Variants in WIPF1 observed in about 807,000 individuals in gnomAD.
WIPF1 encodes WAS/WASL-interacting protein family member 1.
A neutral mutation model predicts 35.4 loss-of-function variants in WIPF1; 13 were observed. The ratio of observed to expected loss-of-function variants is 0.37; its 90% confidence interval spans 0.24 to 0.58. The LOEUF is 0.58. WIPF1 is among the 20% of genes least tolerant of loss of function. The pLI is 0.74. For missense variants in WIPF1, 591 were observed against 667.0 expected (o/e 0.89, Z 1.25); for synonymous variants, 267 against 266.3 (o/e 1.00, Z -0.02).
intron 6 of WIPF1, 70 bp from the exon 7 acceptor site, chr2:174,567,253 A>G: frequency 1.4e-6 from 2 of 1,397,690 alleles, no homozygotes; most frequent in Admixed American, 3.6e-5. Flanking sequence ...AACGAAAGGC[A>G]CAGAATGAAA....
At chr2:174,603,345 A>C (rs573093377) in intron 1 of WIPF1, among the ~76,000 whole-genome samples, 1 of 152,352 alleles carries the variant, frequency 6.6e-6, no homozygotes, top group East Asian at 1.9e-4. Context: ...CTCTTAAGTG[A>C]TAAAGGAATT....
rs1684504003 is a variant in WIPF1, at chr2:174,562,271, A to G, written c.*276T>C. 3 of 1,532,644 alleles carry G rather than the reference A, an allele frequency of 2.0e-6. No individual in the cohort carries two copies. Among genetic ancestry groups the G allele is most frequent in the Non-Finnish European group, 2.6e-6 (3 of 1,136,632 alleles). The allele number at this position is 1,532,644 out of a possible 1,614,324, so 94.9% of individuals were successfully genotyped here. On this transcript the variant is annotated 3_prime_UTR_variant, in exon 8 of 8. Transcript: ENST00000679041. Reference sequence around the variant, plus strand: ...TTGGTGGAAAGCTGGGATGCAAGTCATCTCTGCCTATTACGACAAAAGCCT... The same window carrying G: ...TTGGTGGAAAGCTGGGATGCAAGTCGTCTCTGCCTATTACGACAAAAGCCT...
chr2:174,603,954 A>C (rs1159404590), intron 1 of WIPF1, among the ~76,000 whole-genome samples: 5 of 152,218 alleles, frequency 3.3e-5, no homozygotes, highest in Non-Finnish European at 1.5e-5. Context: ...TACATTTTAA[A>C]GGAGGATTTA....
rs1225043045 is a variant in WIPF1, at chr2:174,567,259, TGAAAGAGA to T, written c.1343-84_1343-77del. 4.5e-6 allele frequency: 6 copies of T among 1,324,290 alleles called. No homozygotes were observed. In the Admixed American group the frequency reaches 1.1e-4, roughly 25 times the overall value. 82.0% of individuals were successfully genotyped at this position (1,324,290 alleles called of 1,614,324 possible). A position where few individuals can be genotyped will look rare whatever the true frequency, so the allele number is the denominator to read the frequency against. On this transcript the variant is annotated intron_variant, in intron 6 of 7. Transcript: ENST00000679041. The stretch of plus-strand genomic sequence containing the variant: ...GACTTACGTAACGAAAGGCACAGAA[TGAAAGAGA>T]GAGAGAACCACAGACATCAGTGCTA...
At chr2:174,614,038 C>A (rs1658480600) in intron 1 of WIPF1, among the ~76,000 whole-genome samples, 1 of 152,168 alleles carries the variant, frequency 6.6e-6, no homozygotes, top group South Asian at 2.1e-4. Flanking sequence ...TCACTAATAC[C>A]TCTGTATTTT....
chr2:174,606,522 A>C (rs1367552231), intron 1 of WIPF1, among the ~76,000 whole-genome samples: 4 of 152,180 alleles, frequency 2.6e-5, no homozygotes, highest in African/African-American at 9.7e-5. Context: ...CGCAGGCCCC[A>C]TCTTACTCAT....
chr2:174,587,205 A>G (rs929094671), intron 1 of WIPF1, among the ~76,000 whole-genome samples: 1 of 151,730 alleles, frequency 6.6e-6, no homozygotes, highest in African/African-American at 2.4e-5. Context: ...TTTTGTTGTG[A>G]TGGGTCTTGC....
At position 174,622,791 on chromosome 2, in the gene WIPF1, TAC is replaced by T. The variant is rs1251519498; in HGVS notation, c.-38-37182_-38-37181del. On this transcript the variant is annotated intron_variant, in intron 1 of 8. Coordinates refer to the WIPF1 transcript ENST00000272746. The surrounding 1 kb of genome is among the most constrained non-coding windows in gnomAD (Gnocchi z 5.1). ...TATTTTTGTTTTTAATTTTTGTGGG[TAC>T]ACAGTCTTTGTTTTGATTTTCCAGA... 5.3e-5 allele frequency among the ~76,000 whole-genome samples: 8 copies of T among 152,222 alleles called. No homozygotes were observed. The highest frequency in any genetic ancestry group is 7.3e-5 in the Non-Finnish European group (5 of 68,044).
At chr2:174,674,230 T>C (rs1480470426) in intron 1 of WIPF1, among the ~76,000 whole-genome samples, 1 of 152,244 alleles carries the variant, frequency 6.6e-6, no homozygotes, top group African/African-American at 2.4e-5. Flanking sequence ...TAAATTCCTA[T>C]CTGCTATGAT....
At chr2:174,612,940 C>T (rs2217429) in intron 1 of WIPF1, among the ~76,000 whole-genome samples, 71,950 of 152,008 alleles carry the variant, frequency 0.47, 18,198 homozygotes, top group East Asian at 0.92. Context: ...TGTTTATAAA[C>T]CAAATGTTCA....
intron 1 of WIPF1, among the ~76,000 whole-genome samples, chr2:174,655,291 A>G (rs1687617992): frequency 6.6e-6 from 1 of 151,894 alleles, no homozygotes; most frequent in Non-Finnish European, 1.5e-5. Context: ...ATTTTCCTTC[A>G]GGTCCCAGGC....
At chr2:174,583,586 A>G (rs1253345796) in intron 2 of WIPF1, among the ~76,000 whole-genome samples, 1 of 152,166 alleles carries the variant, frequency 6.6e-6, no homozygotes, top group Non-Finnish European at 1.5e-5. Context: ...ATTAGGTAAC[A>G]ACGGATAGAA....
chr2:174,562,068 G>C lies in WIPF1; in HGVS notation c.*479C>G. ...GCCAAGCTCGGACTGCCAAAGATTG[G>C]ACATCCTGTGACTGCAAGTTTCCAG... On this transcript the variant is annotated 3_prime_UTR_variant, in exon 8 of 8. Coordinates refer to ENST00000679041, the MANE Select transcript of WIPF1 (RefSeq NM_001375834.1). The C allele has an allele frequency of 6.4e-7, 1 of 1,550,580 alleles. No individual in the cohort carries two copies.
intron 1 of WIPF1, among the ~76,000 whole-genome samples, chr2:174,675,383 G>T (rs1346703855): frequency 6.6e-6 from 1 of 151,856 alleles, no homozygotes; most frequent in Admixed American, 6.6e-5. Context: ...TTAGAGACAG[G>T]TCTCGCTCTG....
At position 174,576,230 on chromosome 2, in the gene WIPF1, C is replaced by CAAAAA. The variant is rs66562213; in HGVS notation, c.182-855_182-851dup. ...CTATGATTGCACCACTGCACTCCAG[C>CAAAAA]AAAAAAAAAAAAAAAAAAACACTAA... On this transcript the variant is annotated intron_variant, in intron 3 of 7. Coordinates refer to ENST00000679041, the MANE Select transcript of WIPF1 (RefSeq NM_001375834.1). Among the ~76,000 whole-genome samples, 7 of 98,918 alleles carry CAAAAA rather than the reference C, an allele frequency of 7.1e-5. No homozygotes were observed. In the East Asian group the frequency reaches 8.1e-4, roughly 11 times the overall value. The allele number at this position is 98,918 out of a possible 152,430, so 64.9% of individuals were successfully genotyped here. A position where few individuals can be genotyped will look rare whatever the true frequency, so the allele number is the denominator to read the frequency against.
intron 1 of WIPF1, among the ~76,000 whole-genome samples, chr2:174,642,021 G>A (rs370348466): frequency 6.6e-6 from 1 of 152,076 alleles, no homozygotes; most frequent in Admixed American, 6.5e-5. Flanking sequence ...TTGCTATAGA[G>A]AGATTTACCA....
chr2:174,668,552 TC>T (rs1687941521), intron 1 of WIPF1, among the ~76,000 whole-genome samples: 2 of 152,234 alleles, frequency 1.3e-5, no homozygotes, highest in East Asian at 1.9e-4. Flanking sequence ...AAGATTTTCT[TC>T]CTCATTAAAG....
chr2:174,607,207 T>C (rs1263444014), intron 1 of WIPF1, among the ~76,000 whole-genome samples: 3 of 151,892 alleles, frequency 2.0e-5, no homozygotes, highest in African/African-American at 7.3e-5. Flanking sequence ...ATCGAGACCA[T>C]CCTGGCTAAC....
chr2:174,600,887 C>T (rs1359442962), upstream of WIPF1, among the ~76,000 whole-genome samples: 3 of 135,596 alleles, frequency 2.2e-5, no homozygotes, highest in East Asian at 4.4e-4. Flanking sequence ...ATGTTTCTTA[C>T]GAATTCTACT....
Sources: allele counts gnomAD v4.1 joint callset (sites outside exome capture counted in the v4.1 genomes callset), GRCh38; gene constraint gnomAD v4.1.1; non-coding constraint Gnocchi (gnomAD v3.1); transcripts MANE v1.5; gene names NCBI Gene and HGNC (gene_info 2026-07-23, HGNC 2026-07-21).